Variants in CELF2 observed in about 807,000 individuals in gnomAD.
The protein encoded by CELF2 is CUG triplet repeat RNA-binding protein 2.
Under a neutral mutation model 62.6 loss-of-function variants are expected in CELF2, and 8 were observed. The ratio of observed to expected loss-of-function variants is 0.13; its 90% CI spans 0.07 to 0.23. CELF2 has a LOEUF of 0.23. CELF2 is among the 10% of genes least tolerant of loss of function. The pLI is 1.00. For missense variants in CELF2, 333 were observed against 671.0 expected (o/e 0.50, Z 5.56); for synonymous variants, 258 against 250.0 (o/e 1.03, Z -0.30).
Position 10,821,861 on chromosome 10 carries a change from G to A in CELF2, c.53+23044G>A, listed in dbSNP as rs542758924. On this transcript the variant is annotated intron_variant, in intron 1 of 13. Coordinates refer to the CELF2 transcript ENST00000636488. ...TTGCTTTTTGGCCCAGGCTGGTCTC[G>A]AATTCCTGGGCTCAAGCAATCCTCC... is the stretch of plus-strand genomic sequence containing the variant. 9.2e-5 allele frequency among the ~76,000 whole-genome samples: 14 copies of A among 152,170 alleles called. No homozygotes were observed. The South Asian group carries it at 1.9e-3, about 20-fold the overall frequency.
In CELF2 at chr10:11,335,325, C is replaced by G. The variant is rs1278906972; in HGVS notation, c.*6272C>G. Reference sequence around the variant, plus strand: ...GATGTTTGCTCCCTCTGTCTTATCTCTCCTTCCAGTATTTTCAGACGCACA... The same window carrying G: ...GATGTTTGCTCCCTCTGTCTTATCTGTCCTTCCAGTATTTTCAGACGCACA... On this transcript the variant is annotated 3_prime_UTR_variant, in exon 13 of 13. Coordinates refer to ENST00000633077, the MANE Select transcript of CELF2 (RefSeq NM_001326342.2). The surrounding 1 kb of genome is among the most constrained non-coding windows in gnomAD (Gnocchi z 5.0). The G allele has an allele frequency of 6.6e-6, 1 of 152,384 alleles. No homozygotes were observed. Among genetic ancestry groups the G allele is most frequent in the Non-Finnish European group, 1.5e-5 (1 of 68,132 alleles). The allele number at this position is 152,384 out of a possible 1,614,324, so 9.4% of individuals were successfully genotyped here. A position where few individuals can be genotyped will look rare whatever the true frequency, so the allele number is the denominator to read the frequency against.
At chr10:10,614,775 A>G in the CELF2 span, among the ~76,000 whole-genome samples, 1 of 152,132 alleles carries the variant, frequency 6.6e-6, no homozygotes, top group Non-Finnish European at 1.5e-5. Flanking sequence ...GAGGTTGGAT[A>G]GTGAATTCAG....
chr10:10,760,093 A>G, the CELF2 span, among the ~76,000 whole-genome samples: 18 of 152,196 alleles, frequency 1.2e-4, no homozygotes, highest in Admixed American at 1.1e-3. Flanking sequence ...TAGTAGAGAC[A>G]GGGTTTCATC....
Position 11,176,325 on chromosome 10 carries a change from G to A in CELF2, c.271+10643G>A, listed in dbSNP as rs117877192. ...TGTACAGTCCTCTTATTAGCATAAC[G>A]AAGCCATCAGCATTGCATCAAGCGG... On this transcript the variant is annotated intron_variant, in intron 2 of 12. Coordinates refer to ENST00000633077, the MANE Select transcript of CELF2 (RefSeq NM_001326342.2). Among the ~76,000 whole-genome samples, 5 of 152,260 alleles carry A rather than the reference G, an allele frequency of 3.3e-5. No individual in the cohort carries two copies. In the East Asian group the frequency reaches 5.8e-4, roughly 18 times the overall value.
the CELF2 span, among the ~76,000 whole-genome samples, chr10:10,595,526 G>A: frequency 6.6e-6 from 1 of 152,162 alleles, no homozygotes; most frequent in Non-Finnish European, 1.5e-5. Context: ...AGGATGGGGT[G>A]GAAGCAGCTT....
chr10:11,097,917 G>A (rs889486936), intron 1 of CELF2, among the ~76,000 whole-genome samples: 1 of 152,198 alleles, frequency 6.6e-6, no homozygotes, highest in Non-Finnish European at 1.5e-5. Context: ...TAACCCATGC[G>A]GCCACTGACC....
the CELF2 span, among the ~76,000 whole-genome samples, chr10:10,672,972 C>T: frequency 6.6e-6 from 1 of 152,166 alleles, no homozygotes; most frequent in South Asian, 2.1e-4. Context: ...TTTCTTTCAA[C>T]AGAGTTTTGT....
chr10:10,668,362 G>T, the CELF2 span, among the ~76,000 whole-genome samples: 14 of 152,128 alleles, frequency 9.2e-5, no homozygotes, highest in Non-Finnish European at 1.6e-4. Context: ...TGAGCAAGTT[G>T]TTCTGCCAGA....
intron 2 of CELF2, among the ~76,000 whole-genome samples, chr10:10,942,302 A>C (rs548664667): frequency 2.0e-5 from 3 of 152,322 alleles, no homozygotes; most frequent in African/African-American, 7.2e-5. Context: ...GTGGGCACTC[A>C]TGCCTCACCA....
chr10:10,867,115 C>A (rs112008827), intron 1 of CELF2, among the ~76,000 whole-genome samples: 1 of 152,136 alleles, frequency 6.6e-6, no homozygotes, highest in Non-Finnish European at 1.5e-5. Flanking sequence ...ACAACCTACT[C>A]TCTGGGAAAC....
chr10:10,708,058 C>T, the CELF2 span, among the ~76,000 whole-genome samples: 1 of 152,162 alleles, frequency 6.6e-6, no homozygotes, highest in Non-Finnish European at 1.5e-5. Context: ...TTCATATAAA[C>T]AAAGGCTTTA....
chr10:10,542,506 A>G, the CELF2 span, among the ~76,000 whole-genome samples: 2 of 152,378 alleles, frequency 1.3e-5, no homozygotes, highest in Admixed American at 1.3e-4. Context: ...AAAGACTGGC[A>G]GAGGAGAGGG....
chr10:11,076,247 TGGAGGATAA>T (rs200252619), intron 1 of CELF2, among the ~76,000 whole-genome samples: 6,959 of 152,050 alleles, frequency 0.046, 217 homozygotes, highest in African/African-American at 0.094. Context: ...GAAAGATTAT[TGGAGGATAA>T]GGAGGATACT....
At position 11,336,167 on chromosome 10, in the gene CELF2, C is replaced by G. The variant is rs1054472188; in HGVS notation, c.*7114C>G. On this transcript the variant is annotated 3_prime_UTR_variant, in exon 13 of 13. Transcript: ENST00000633077. The surrounding 1 kb of genome is among the most constrained non-coding windows in gnomAD (Gnocchi z 5.4). ...CGGACTCTTAGCTGGCAGGCTAGGA[C>G]ACACAGTGAACATTAATGTACTGTG... 6.6e-6 allele frequency: 1 copy of G among 152,664 alleles called. No homozygotes were observed. The highest frequency in any genetic ancestry group is 1.5e-5 in the Non-Finnish European group (1 of 68,036). The allele number at this position is 152,664 out of a possible 1,614,324, so 9.5% of individuals were successfully genotyped here.
chr10:10,486,070 A>G, the CELF2 span, among the ~76,000 whole-genome samples: 421 of 152,302 alleles, frequency 2.8e-3, 1 homozygote, highest in African/African-American at 9.8e-3. Context: ...TGGCATTCAG[A>G]TATTGAAGAA....
chr10:11,082,266 G>A (rs2074224666), intron 1 of CELF2, among the ~76,000 whole-genome samples: 1 of 152,172 alleles, frequency 6.6e-6, no homozygotes, highest in Non-Finnish European at 1.5e-5. Flanking sequence ...TCCAACAGAG[G>A]ATCCTAAAGA....
At chr10:11,293,889 C>T (rs933515705) in intron 9 of CELF2, among the ~76,000 whole-genome samples, 2 of 152,106 alleles carry the variant, frequency 1.3e-5, no homozygotes, top group African/African-American at 4.8e-5. Flanking sequence ...GCGCACACGT[C>T]TCTAAGGAGG....
chr10:11,002,733 A>C (rs542835664), upstream of CELF2, among the ~76,000 whole-genome samples: 1 of 152,200 alleles, frequency 6.6e-6, no homozygotes, highest in East Asian at 1.9e-4. This position sits in a 1 kb window ranked among gnomAD's most constrained non-coding sequence, Gnocchi z 4.4. Flanking sequence ...GTAAAACACA[A>C]TAGCATGAAA....
chr10:11,152,386 G>A (rs189976159), intron 1 of CELF2, among the ~76,000 whole-genome samples: 9 of 152,136 alleles, frequency 5.9e-5, no homozygotes, highest in African/African-American at 2.2e-4. Context: ...ATGACACCAA[G>A]TAGGTTCTCA....
Sources: allele counts gnomAD v4.1 joint callset (sites outside exome capture counted in the v4.1 genomes callset), GRCh38; gene constraint gnomAD v4.1.1; non-coding constraint Gnocchi (gnomAD v3.1); transcripts MANE v1.5; gene names NCBI Gene and HGNC (gene_info 2026-07-23, HGNC 2026-07-21).